Variants in CEP95 observed in about 807,000 individuals in gnomAD.
CEP95 encodes centrosomal protein of 95 kDa.
CEP95 carries 98 observed loss-of-function variants against 111.2 expected under a neutral mutation model. The observed-to-expected ratio is 0.88, with a 90% CI of 0.75 to 1.04. The LOEUF (loss-of-function observed/expected upper bound fraction) is 1.04, where lower values mean the gene tolerates loss of function less well. Ranked by LOEUF, CEP95 falls within the 50% of genes least tolerant of loss-of-function variation. The pLI is 0.00. For synonymous variants in CEP95, 323 were observed against 327.1 expected (o/e 0.99, Z 0.14); for missense variants, 1,027 against 977.2 (o/e 1.05, Z -0.68).
chr17:64,530,775 G>A (rs961603241), intron 12 of CEP95, 151 bp from the exon 13 acceptor site: 8 of 489,508 alleles, frequency 1.6e-5, no homozygotes, highest in African/African-American at 8.0e-5. Context: ...CACCGCACGC[G>A]GCTAAGAGCT....
upstream of CEP95, chr17:64,506,889 C>T (rs1289911071): frequency 1.5e-6 from 1 of 654,750 alleles, no homozygotes; most frequent in Non-Finnish European, 2.8e-6. Context: ...AAACCGCCCC[C>T]GTTTCACGTC....
At chr17:64,508,872 C>T (rs9894436) in intron 2 of CEP95, among the ~76,000 whole-genome samples, 152 bp downstream of exon 2, 6,605 of 149,920 alleles carry the variant, frequency 0.044, 206 homozygotes, top group African/African-American at 0.092. Context: ...TATTAATATA[C>T]AATATTAAAA....
chr17:64,537,310 C>A, intron 19 of CEP95, 198 bp downstream of exon 19: 1 of 1,401,140 alleles, frequency 7.1e-7, no homozygotes, highest in East Asian at 2.6e-5. Context: ...TTTCTTGGAA[C>A]ATATCTCCAT....
intron 3 of CEP95, 113 bp downstream of exon 3, chr17:64,510,393 G>A: frequency 2.9e-6 from 2 of 682,742 alleles, no homozygotes; most frequent in Non-Finnish European, 5.2e-6. Flanking sequence ...AGACCAAATT[G>A]TAAGATTGAG....
chr17:64,530,780 A>C, intron 12 of CEP95, 146 bp from the exon 13 acceptor site: 1 of 503,018 alleles, frequency 2.0e-6, no homozygotes, highest in South Asian at 3.1e-5. Context: ...CACGCGGCTA[A>C]GAGCTTGGAT....
At chr17:64,527,317 C>G (rs1555679329) in intron 11 of CEP95, 53 bp downstream of exon 11, 1 of 1,378,926 alleles carries the variant, frequency 7.3e-7, no homozygotes, top group African/African-American at 1.5e-5. Context: ...ACTACTTAGG[C>G]AGTTCCATCT....
intron 3 of CEP95, among the ~76,000 whole-genome samples, chr17:64,512,338 T>G (rs2038939083): frequency 6.6e-6 from 1 of 152,222 alleles, no homozygotes; most frequent in African/African-American, 2.4e-5. Flanking sequence ...ACAAGAACTT[T>G]CAGTGTATAC....
At chr17:64,537,578 G>A (rs782145010) in intron 19 of CEP95, 25 bp from the exon 20 acceptor site, 125 of 1,564,292 alleles carry the variant, frequency 8.0e-5, no homozygotes, top group Non-Finnish European at 1.1e-4. Flanking sequence ...TGTGAACAGC[G>A]GGATGACATG....
rs782015827 is a variant in CEP95 at position 64,529,321 on chromosome 17, C to G, written c.1340C>G (p.Ser447Cys). Residue 447 changes from serine (S) to cysteine (C), a missense_variant, in exon 12 of 20, where the codon TCC (serine) becomes TGC (cysteine). By Grantham distance (112) the Ser-to-Cys change is moderately radical. Coordinates refer to ENST00000556440, the MANE Select transcript of CEP95 (RefSeq NM_138363.3). ...LSMRRKPPYR[S>C]HSLSPSPVNK... is the part of the protein sequence containing the mutation. Reference sequence around the variant, plus strand: ...ATGCGTAGAAAGCCACCCTACAGATCCCATTCGCTCTCTCCATCTCCAGTT... The same window carrying G: ...ATGCGTAGAAAGCCACCCTACAGATGCCATTCGCTCTCTCCATCTCCAGTT... 2.5e-6 allele frequency: 4 copies of G among 1,613,594 alleles called. No homozygotes were observed. Among genetic ancestry groups the G allele is most frequent in the African/African-American group, 1.3e-5 (1 of 74,900 alleles).
rs1186770582 is a variant in CEP95 at position 64,514,235 on chromosome 17, A to G, written c.257-13A>G. ...TGGTTAAATTTTTTAATAGCTCTAT[A>G]TTCTGTCTCCAGGAGAAAATATAGT... On this transcript the variant is annotated splice_polypyrimidine_tract_variant and intron_variant, in intron 3 of 19. Coordinates refer to ENST00000556440, the MANE Select transcript of CEP95 (RefSeq NM_138363.3). The G allele has an allele frequency of 1.3e-5, 14 of 1,071,580 alleles. No individual in the cohort carries two copies. The highest frequency in any genetic ancestry group is 2.0e-5 in the Non-Finnish European group (14 of 715,414). The allele number at this position is 1,071,580 out of a possible 1,614,324, so 66.4% of individuals were successfully genotyped here.
rs782399845 is a variant in CEP95 at position 64,533,144 on chromosome 17, C to A, written c.1870C>A (p.Leu624Ile). Residue 624 changes from leucine to isoleucine, a missense_variant, in exon 16 of 20, where the codon CTC becomes ATC. Coordinates refer to ENST00000556440, the MANE Select transcript of CEP95 (RefSeq NM_138363.3). ...AGAAGAAGCCCTAAGAAGGCATGAC[C>A]TCCTTACTACCCTTGTCAAGAAAGA... The part of the protein sequence containing the change: ...EIEEALRRHD[L>I]LTTLVKKEYE... The A allele has an allele frequency of 2.5e-6, 4 of 1,599,622 alleles. No individual in the cohort carries two copies. The South Asian group carries it at 3.4e-5, about 14-fold the overall frequency.
At chr17:64,508,408 A>G (rs2038698292) in intron 1 of CEP95, 184 bp from the exon 2 acceptor site, 1 of 983,868 alleles carries the variant, frequency 1.0e-6, no homozygotes, top group African/African-American at 1.7e-5. Flanking sequence ...CCAAGAAATT[A>G]AATACATCTT....
At chr17:64,514,446 G>A (rs1555675932) in intron 4 of CEP95, 88 bp downstream of exon 4, 3 of 682,032 alleles carry the variant, frequency 4.4e-6, no homozygotes. Flanking sequence ...TTTCTTCATA[G>A]GAAGCAGATT....
intron 16 of CEP95, 22 bp from the exon 17 acceptor site, chr17:64,534,563 C>T: frequency 1.9e-6 from 3 of 1,608,278 alleles, no homozygotes; most frequent in African/African-American, 2.7e-5. Flanking sequence ...CCCTTCTCTT[C>T]CCTCCCCTTT....
chr17:64,535,015 T>G (rs1361082208), intron 17 of CEP95: 2 of 403,334 alleles, frequency 5.0e-6, no homozygotes, highest in Non-Finnish European at 9.4e-6. Flanking sequence ...AAAACTACTT[T>G]AGAGGTTTGG....
chr17:64,527,234 G>A lies in CEP95; in HGVS notation c.1276G>A (p.Val426Met), dbSNP rs781868398. The change falls in exon 11 of 20, where the codon GTG becomes ATG. Residue 426 changes from valine (V) to methionine (M), a missense_variant. Coordinates refer to ENST00000556440, the MANE Select transcript of CEP95 (RefSeq NM_138363.3). ...ACTGTCTCAGCACAGTGATGGCATC[G>A]TGGAGTATGGGCCAAAGAAGTCAAG... Reference protein sequence around the residue: ...ETLSQHSDGIVEYGPKKSRPG... With the variant: ...ETLSQHSDGIMEYGPKKSRPG... The A allele has an allele frequency of 1.5e-5, 24 of 1,613,050 alleles. No homozygotes were observed. The Admixed American group carries it at 2.8e-4, about 19-fold the overall frequency.
intron 11 of CEP95, among the ~76,000 whole-genome samples, chr17:64,527,864 G>GTATATA (rs1241845474): frequency 6.1e-5 from 8 of 131,734 alleles, no homozygotes; most frequent in African/African-American, 2.4e-4. Flanking sequence ...GTGTGTGTGT[G>GTATATA]TGTGTGTATA....
Position 64,522,804 on chromosome 17 carries a change from G to C in CEP95, c.818G>C (p.Arg273Pro), listed in dbSNP as rs782639472. Residue 273 changes from arginine (R) to proline (P), a missense_variant, in exon 8 of 20, where the codon CGA becomes CCA. Coordinates refer to ENST00000556440, the MANE Select transcript of CEP95 (RefSeq NM_138363.3). Reference sequence around the variant, plus strand: ...CCACCCTACCACCCTTCAGAGCCTCGAGCACCCTGCCCCATAGGAAAAGAA... The same window carrying C: ...CCACCCTACCACCCTTCAGAGCCTCCAGCACCCTGCCCCATAGGAAAAGAA... ...LHPPYHPSEPRAPCPIGKEYL... is the reference protein window; with the variant it reads ...LHPPYHPSEPPAPCPIGKEYL... 12 of 1,613,692 alleles carry C rather than the reference G, an allele frequency of 7.4e-6. No individual in the cohort carries two copies. The highest frequency in any genetic ancestry group is 1.0e-5 in the Non-Finnish European group (12 of 1,179,826).
At position 64,510,094 on chromosome 17, in the gene CEP95, C is replaced by T. The variant is rs1598176167; in HGVS notation, c.149-79C>T. The T allele has an allele frequency of 1.1e-5, 8 of 756,102 alleles. No homozygotes were observed. In the East Asian group the frequency reaches 1.9e-4, roughly 18 times the overall value. The allele number at this position is 756,102 out of a possible 1,614,324, so 46.8% of individuals were successfully genotyped here. ...AGCCTTTATAGCAGTTGAGCATATT[C>T]AGTAGCCTAGTCAGAGACAATGAGA... On this transcript the variant is annotated intron_variant, in intron 2 of 19. Transcript: ENST00000556440.
Sources: gnomAD v4.1 joint callset for allele counts (sites outside exome capture counted in the v4.1 genomes callset) on GRCh38, gnomAD v4.1.1 for gene constraint, MANE v1.5 for transcripts, NCBI Gene and HGNC (gene_info 2026-07-23, HGNC 2026-07-21) for gene names.